NEMF: variants seen among roughly 807,000 people sequenced by gnomAD.
NEMF encodes ribosome quality control complex subunit NEMF.
Under a neutral mutation model 162.2 loss-of-function variants are expected in NEMF, and 89 were observed. The ratio of observed to expected loss-of-function variants is 0.55; its 90% confidence interval spans 0.46 to 0.65. NEMF has a LOEUF of 0.65. Among genes scored for constraint, NEMF ranks in the 30% least tolerant of loss-of-function variants. The probability of loss-of-function intolerance (pLI) is 0.00; values close to 1 mark genes in which losing one functional copy is unlikely to be tolerated. For missense variants in NEMF, 1,133 were observed against 1,261.9 expected (o/e 0.90, Z 1.55); for synonymous variants, 421 against 404.5 (o/e 1.04, Z -0.49).
At position 49,789,057 on chromosome 14, in the gene NEMF, G is replaced by A. The variant is rs574530571; in HGVS notation, c.2895+89C>T. On this transcript the variant is annotated intron_variant, in intron 28 of 32. Coordinates refer to ENST00000298310, the MANE Select transcript of NEMF (RefSeq NM_004713.6). ...AAGAATAGGGTTACTCACTTGTCTT[G>A]GTTTTAGCACTGAAAGTCCCATGTC... The A allele has an allele frequency of 2.2e-4, 212 of 972,160 alleles. 1 individual carries two copies. In the African/African-American group the frequency reaches 3.1e-3, roughly 14 times the overall value. The allele number at this position is 972,160 out of a possible 1,614,324, so 60.2% of individuals were successfully genotyped here.
intron 16 of NEMF, among the ~76,000 whole-genome samples, chr14:49,816,865 T>C (rs1891740121): frequency 6.6e-6 from 1 of 152,192 alleles, no homozygotes; most frequent in South Asian, 2.1e-4. Flanking sequence ...AGATGTATTT[T>C]GTAATCATCC....
intron 22 of NEMF, among the ~76,000 whole-genome samples, 161 bp downstream of exon 22, chr14:49,802,292 T>C (rs1420133156): frequency 1.3e-5 from 2 of 150,540 alleles, no homozygotes; most frequent in African/African-American, 4.9e-5. Context: ...ATTTAGCATT[T>C]CCAAAAAAAA....
intron 16 of NEMF, among the ~76,000 whole-genome samples, chr14:49,815,978 T>A (rs1891697340): frequency 6.6e-6 from 1 of 151,674 alleles, no homozygotes; most frequent in African/African-American, 2.4e-5. Flanking sequence ...AATAAATAAA[T>A]AAAAAACAAA....
At chr14:49,849,061 T>C (rs763332752) in intron 3 of NEMF, among the ~76,000 whole-genome samples, 6 of 152,160 alleles carry the variant, frequency 3.9e-5, no homozygotes, top group Non-Finnish European at 8.8e-5. Context: ...GCATTTTATA[T>C]ACTCACATAG....
In NEMF at chr14:49,784,104, C is replaced by T. The variant is rs1480194030; in HGVS notation, c.*532G>A. 6.6e-6 allele frequency: 1 copy of T among 150,686 alleles called. No homozygotes were observed. Among genetic ancestry groups the T allele is most frequent in the African/African-American group, 2.4e-5 (1 of 40,898 alleles). 9.3% of individuals were successfully genotyped at this position (150,686 alleles called of 1,614,324 possible). ...ATTTCAAGAAAATGTAGAATAACTA[C>T]AGATGTATATAATTAGCATTTAACT... On this transcript the variant is annotated 3_prime_UTR_variant, in exon 33 of 33. Coordinates refer to ENST00000298310, the MANE Select transcript of NEMF (RefSeq NM_004713.6).
chr14:49,809,792 C>G (rs1891384952), intron 18 of NEMF, among the ~76,000 whole-genome samples: 1 of 151,642 alleles, frequency 6.6e-6, no homozygotes, highest in Non-Finnish European at 1.5e-5. Flanking sequence ...ACCTGGGAGG[C>G]AGACGTTGCA....
At chr14:49,830,927 A>G (rs1251477712) in intron 11 of NEMF, among the ~76,000 whole-genome samples, 2 of 152,218 alleles carry the variant, frequency 1.3e-5, no homozygotes, top group Non-Finnish European at 2.9e-5. Flanking sequence ...TTAATGATAA[A>G]CAATATCCCC....
intron 11 of NEMF, 76 bp from the exon 12 acceptor site, chr14:49,829,502 C>T: frequency 8.5e-7 from 1 of 1,171,092 alleles, no homozygotes; most frequent in Non-Finnish European, 1.2e-6. Flanking sequence ...CTTCCCAACA[C>T]TCACTATCCT....
chr14:49,788,364 A>T (rs1307861972), intron 28 of NEMF, among the ~76,000 whole-genome samples: 2 of 152,084 alleles, frequency 1.3e-5, no homozygotes, highest in Non-Finnish European at 2.9e-5. Flanking sequence ...CTGTTAATAA[A>T]ACAATTAGGC....
At position 49,784,574 on chromosome 14, in the gene NEMF, C is replaced by A. The variant is rs1037565450; in HGVS notation, c.*62G>T. Reference sequence around the variant, plus strand: ...AAATCCTGATACATGGTGCTTTCATCTTTGAACTTCCAAAAGGCTATAAAA... The same window carrying A: ...AAATCCTGATACATGGTGCTTTCATATTTGAACTTCCAAAAGGCTATAAAA... On this transcript the variant is annotated 3_prime_UTR_variant, in exon 33 of 33. Coordinates refer to ENST00000298310, the MANE Select transcript of NEMF (RefSeq NM_004713.6). The A allele has an allele frequency of 6.8e-6, 8 of 1,174,080 alleles. No homozygotes were observed. The African/African-American group carries it at 9.1e-5, about 13-fold the overall frequency. The allele number at this position is 1,174,080 out of a possible 1,614,324, so 72.7% of individuals were successfully genotyped here.
chr14:49,798,378 GTAAA>G (rs963298482), intron 25 of NEMF, among the ~76,000 whole-genome samples: 4 of 152,134 alleles, frequency 2.6e-5, no homozygotes, highest in Non-Finnish European at 4.4e-5. Context: ...CAAAAATTGG[GTAAA>G]TAATTATCTT....
At position 49,840,609 on chromosome 14, in the gene NEMF, G is replaced by A. The variant is rs568546939; in HGVS notation, c.506+109C>T. On this transcript the variant is annotated intron_variant, in intron 5 of 32. Transcript: ENST00000298310. ...ATATTTTATCTCACAGTTCTTTCAC[G>A]TTCTGACATATGACCCATTTTACCT... 44 of 864,778 alleles carry A rather than the reference G, an allele frequency of 5.1e-5. 1 individual carries two copies. The highest frequency in any genetic ancestry group is 4.3e-4 in the South Asian group (24 of 55,382). The allele number at this position is 864,778 out of a possible 1,614,324, so 53.6% of individuals were successfully genotyped here.
chr14:49,819,950 T>G lies in NEMF; in HGVS notation c.1578-5093A>C, dbSNP rs148824058. ...GCCACTTCAGCCACCCATTTTTTTT[T>G]TTTGTTTTTGTTTTTTTCTGAGACA... On this transcript the variant is annotated intron_variant, in intron 16 of 32. Coordinates refer to ENST00000298310, the MANE Select transcript of NEMF (RefSeq NM_004713.6). The G allele has an allele frequency of 3.6e-3, 555 of 153,668 alleles. 4 individuals are homozygous for G. The highest frequency in any genetic ancestry group is 0.01 in the Middle Eastern group (3 of 300). 9.5% of individuals were successfully genotyped at this position (153,668 alleles called of 1,614,324 possible).
At chr14:49,850,614 T>C (rs1468211536) in intron 3 of NEMF, among the ~76,000 whole-genome samples, 1 of 151,880 alleles carries the variant, frequency 6.6e-6, no homozygotes, top group Non-Finnish European at 1.5e-5. Context: ...AATAAAAGAA[T>C]GGGTAGCATG....
chr14:49,851,718 G>A, intron 2 of NEMF, 53 bp from the exon 3 acceptor site: 2 of 1,492,810 alleles, frequency 1.3e-6, no homozygotes, highest in African/African-American at 1.4e-5. Context: ...AAAGCTAATT[G>A]CTAAACAGGC....
intron 14 of NEMF, 69 bp from the exon 15 acceptor site, chr14:49,828,423 C>T: frequency 1.8e-6 from 2 of 1,095,968 alleles, no homozygotes; most frequent in Non-Finnish European, 2.7e-6. Flanking sequence ...TTAGTTCTAA[C>T]TTGACAAATT....
chr14:49,799,207 C>CAAAAAAAAAAAAAAAA (rs780442972), intron 25 of NEMF, among the ~76,000 whole-genome samples: 1 of 59,062 alleles, frequency 1.7e-5, no homozygotes, highest in Non-Finnish European at 2.8e-5. Context: ...GACCCTGTTT[C>CAAAAAAAAAAAAAAAA]AAAAAAAAAA....
At chr14:49,802,601 G>A (rs758708765) in intron 21 of NEMF, 28 bp from the exon 22 acceptor site, 21 of 1,612,370 alleles carry the variant, frequency 1.3e-5, no homozygotes, top group Middle Eastern at 1.6e-4. Flanking sequence ...TTTCAGTGAC[G>A]GAGCTTCAGA....
intron 16 of NEMF, 127 bp downstream of exon 16, chr14:49,825,740 C>A: frequency 1.6e-6 from 1 of 630,172 alleles, no homozygotes. Context: ...TCAAACAAAC[C>A]AACAAAAAAT....
Sources: allele counts gnomAD v4.1 joint callset (sites outside exome capture counted in the v4.1 genomes callset), GRCh38; gene constraint gnomAD v4.1.1; transcripts MANE v1.5; gene names NCBI Gene and HGNC (gene_info 2026-07-23, HGNC 2026-07-21).